PLEKHA7: variants seen among roughly 807,000 people sequenced by gnomAD.
The protein encoded by PLEKHA7 is pleckstrin homology domain containing A7.
Under a neutral mutation model 170.0 loss-of-function variants are expected in PLEKHA7, and 104 were observed. That is an observed-to-expected ratio of 0.61 (90% CI 0.52 to 0.72). PLEKHA7 has a LOEUF of 0.72. Ranked by LOEUF, PLEKHA7 falls within the 30% of genes least tolerant of loss-of-function variation. The pLI is 0.00. For synonymous variants in PLEKHA7, 648 were observed against 660.8 expected (o/e 0.98, Z 0.30); for missense variants, 1,615 against 1,671.7 (o/e 0.97, Z 0.59).
chr11:16,897,395 T>C (rs1040456939), intron 3 of PLEKHA7, among the ~76,000 whole-genome samples: 1 of 152,092 alleles, frequency 6.6e-6, no homozygotes, highest in Admixed American at 6.5e-5. Flanking sequence ...TTTTCCTTCC[T>C]ATACCTCAAT....
At chr11:17,006,390 G>T (rs1414900300) in intron 3 of PLEKHA7, among the ~76,000 whole-genome samples, 1 of 151,170 alleles carries the variant, frequency 6.6e-6, no homozygotes, top group African/African-American at 2.4e-5. Context: ...ACTCTGGGAG[G>T]CCAAGGCAGG....
intron 12 of PLEKHA7, 92 bp from the exon 13 acceptor site, chr11:16,813,258 A>G (rs112686391): frequency 8.8e-7 from 1 of 1,140,864 alleles, no homozygotes; most frequent in South Asian, 1.3e-5. Flanking sequence ...TACATCGTGC[A>G]GCTTTGGGAA....
At chr11:16,782,964 C>A in intron 25 of PLEKHA7, 68 bp from the exon 26 acceptor site, 1 of 1,484,652 alleles carries the variant, frequency 6.7e-7, no homozygotes, top group South Asian at 1.2e-5. Flanking sequence ...AGTGGAGGGT[C>A]TCCCTGGCCT....
At chr11:16,861,720 C>T (rs1279213162) in intron 4 of PLEKHA7, among the ~76,000 whole-genome samples, 2 of 152,140 alleles carry the variant, frequency 1.3e-5, no homozygotes, top group Non-Finnish European at 2.9e-5. Flanking sequence ...AAATCTTTTA[C>T]TGAGAACACC....
intron 3 of PLEKHA7, among the ~76,000 whole-genome samples, chr11:16,907,967 C>CA (rs1362309564): frequency 1.3e-5 from 2 of 149,620 alleles, no homozygotes; most frequent in East Asian, 3.9e-4. Flanking sequence ...ACCTTACCCC[C>CA]AACCCTGTGC....
At chr11:16,913,182 A>G (rs1030818098) in intron 3 of PLEKHA7, among the ~76,000 whole-genome samples, 1 of 151,958 alleles carries the variant, frequency 6.6e-6, no homozygotes, top group African/African-American at 2.4e-5. Flanking sequence ...TTCACTGTAC[A>G]TTTACCGCTT....
intron 3 of PLEKHA7, among the ~76,000 whole-genome samples, chr11:16,882,846 G>A (rs1297254537): frequency 6.9e-6 from 1 of 143,988 alleles, no homozygotes; most frequent in Non-Finnish European, 1.5e-5. Flanking sequence ...TATTTCATAT[G>A]TATATACACA....
In PLEKHA7 at chr11:16,861,824, G is replaced by C. The variant is rs1442961218; in HGVS notation, c.306-5910C>G. On this transcript the variant is annotated intron_variant, in intron 4 of 26. Coordinates refer to ENST00000531066, the MANE Select transcript of PLEKHA7 (RefSeq NM_001329630.2). The stretch of plus-strand genomic sequence containing the variant: ...AAGGAATCTACACACAGAGAGCTCG[G>C]CTAAAACTACTGGTATAGAGGAAAA... 4.6e-5 allele frequency among the ~76,000 whole-genome samples: 7 copies of C among 152,236 alleles called. No individual in the cohort carries two copies. In the East Asian group the frequency reaches 7.7e-4, roughly 17 times the overall value.
intron 12 of PLEKHA7, 35 bp downstream of exon 12, chr11:16,816,142 AG>A (rs762050921): frequency 6.5e-7 from 1 of 1,529,620 alleles, no homozygotes; most frequent in Non-Finnish European, 9.1e-7. Flanking sequence ...TTGATGAGAT[AG>A]GGCTTTGCAG....
chr11:17,013,940 A>AG (rs1555002830), intron 3 of PLEKHA7, 49 bp downstream of exon 3: 409 of 1,298,288 alleles, frequency 3.2e-4, no homozygotes, highest in Non-Finnish European at 3.9e-4. Context: ...ACGGGGAGGG[A>AG]CCCCCCCCCC....
At chr11:16,959,243 G>T (rs890160708) in intron 3 of PLEKHA7, among the ~76,000 whole-genome samples, 11 of 128,844 alleles carry the variant, frequency 8.5e-5, no homozygotes, top group Non-Finnish European at 1.6e-4. Context: ...CCCTCAGGTA[G>T]ACCCCAGTGT....
chr11:16,798,285 T>G (rs2134337176), intron 17 of PLEKHA7, among the ~76,000 whole-genome samples: 1 of 152,308 alleles, frequency 6.6e-6, no homozygotes, highest in Middle Eastern at 3.4e-3. Context: ...AAAGCAGGGC[T>G]TTGTTAGCTT....
rs1315317049 is a variant in PLEKHA7 at position 16,777,465 on chromosome 11, T to C, written c.*1533A>G. ...TCATGAAGTCGATACTGGCAGCATA[T>C]GGAGTTAGTTAAAAATAGACAACAA... On this transcript the variant is annotated 3_prime_UTR_variant, in exon 27 of 27. Transcript: ENST00000531066. 2.6e-5 allele frequency: 4 copies of C among 152,188 alleles called. No homozygotes were observed. The highest frequency in any genetic ancestry group is 6.5e-5 in the Admixed American group (1 of 15,276). 9.4% of individuals were successfully genotyped at this position (152,188 alleles called of 1,614,324 possible).
intron 3 of PLEKHA7, among the ~76,000 whole-genome samples, chr11:16,895,256 A>C (rs1016498549): frequency 6.6e-6 from 1 of 152,334 alleles, no homozygotes; most frequent in East Asian, 1.9e-4. Flanking sequence ...AGTCCCAGCA[A>C]TCAGGCATGG....
chr11:16,977,049 G>A (rs1371093882), intron 3 of PLEKHA7, among the ~76,000 whole-genome samples: 9 of 152,136 alleles, frequency 5.9e-5, no homozygotes, highest in Non-Finnish European at 1.5e-5. Flanking sequence ...CTCAGCCAGA[G>A]CATCCCCATC....
At chr11:16,828,332 A>G (rs927469869) in intron 9 of PLEKHA7, among the ~76,000 whole-genome samples, 1 of 152,028 alleles carries the variant, frequency 6.6e-6, no homozygotes, top group Non-Finnish European at 1.5e-5. Context: ...TTTGCTTGGC[A>G]CTTCTCCTTC....
intron 23 of PLEKHA7, 146 bp from the exon 24 acceptor site, chr11:16,786,533 C>T: frequency 6.8e-7 from 1 of 1,460,214 alleles, no homozygotes; most frequent in Non-Finnish European, 9.0e-7. Flanking sequence ...AATGAAGCTG[C>T]TGTCCCCTTC....
chr11:16,840,454 G>A (rs1851861897), intron 9 of PLEKHA7, among the ~76,000 whole-genome samples: 1 of 152,176 alleles, frequency 6.6e-6, no homozygotes, highest in Non-Finnish European at 1.5e-5. Flanking sequence ...CAGCTACTCG[G>A]GAGGCTAAGG....
At chr11:16,993,687 ACT>A (rs1032100328) in intron 3 of PLEKHA7, among the ~76,000 whole-genome samples, 2 of 151,902 alleles carry the variant, frequency 1.3e-5, no homozygotes, top group Non-Finnish European at 2.9e-5. Flanking sequence ...AAACATCAAC[ACT>A]CTGTCATACC....
Sources: gnomAD v4.1 joint callset for allele counts (sites outside exome capture counted in the v4.1 genomes callset) on GRCh38, gnomAD v4.1.1 for gene constraint, MANE v1.5 for transcripts, NCBI Gene and HGNC (gene_info 2026-07-23, HGNC 2026-07-21) for gene names.